Variants in ACAD11 observed in about 807,000 individuals in gnomAD.
ACAD11 encodes acyl-Coenzyme A dehydrogenase family, member 11.
In ACAD11, 83 loss-of-function variants were observed where a neutral mutation model predicts 102.2. The observed-to-expected ratio is 0.81, with a 90% CI of 0.68 to 0.97. The LOEUF (loss-of-function observed/expected upper bound fraction) is 0.97. ACAD11 is among the 50% of genes least tolerant of loss of function. The probability of loss-of-function intolerance (pLI) is 0.00; values close to 1 mark genes in which losing one functional copy is unlikely to be tolerated. For missense variants in ACAD11, 901 were observed against 951.7 expected, an observed-to-expected ratio of 0.95 and a Z score of 0.70; for synonymous variants, 324 against 319.8, an observed-to-expected ratio of 1.01 and a Z score of -0.14.
At chr3:132,570,226 C>T (rs566071076) in intron 17 of ACAD11, among the ~76,000 whole-genome samples, 9 of 152,118 alleles carry the variant, frequency 5.9e-5, no homozygotes, top group South Asian at 2.1e-4. Flanking sequence ...GCATACAAAA[C>T]GTGTCCAGCA....
At chr3:132,565,031 ATC>A (rs1937170070) in intron 17 of ACAD11, among the ~76,000 whole-genome samples, 1 of 152,172 alleles carries the variant, frequency 6.6e-6, no homozygotes, top group Admixed American at 6.5e-5. Context: ...CAAAAGTATA[ATC>A]TCTCTAACCA....
At chr3:132,633,260 T>A (rs1440656309) in intron 5 of ACAD11, among the ~76,000 whole-genome samples, 2 of 152,170 alleles carry the variant, frequency 1.3e-5, no homozygotes, top group Non-Finnish European at 2.9e-5. Flanking sequence ...CGATACCTAA[T>A]TTATTGAGAG....
At chr3:132,638,852 C>T (rs1444829638) in intron 5 of ACAD11, among the ~76,000 whole-genome samples, 1 of 152,140 alleles carries the variant, frequency 6.6e-6, no homozygotes, top group Admixed American at 6.5e-5. Context: ...AACATCTTAG[C>T]ATTCTAAGAA....
chr3:132,646,780 G>T (rs943597380), intron 1 of ACAD11, among the ~76,000 whole-genome samples: 1 of 152,168 alleles, frequency 6.6e-6, no homozygotes, highest in East Asian at 1.9e-4. Context: ...ATAAAATGCC[G>T]ATCCATGCTA....
intron 13 of ACAD11, among the ~76,000 whole-genome samples, chr3:132,583,387 G>A (rs1440034975): frequency 5.3e-5 from 8 of 152,032 alleles, no homozygotes; most frequent in East Asian, 1.9e-4. Context: ...CTGTGGGATC[G>A]GTGGTGATAT....
At chr3:132,628,632 T>C (rs1300858975) in intron 7 of ACAD11, among the ~76,000 whole-genome samples, 186 bp from the exon 8 acceptor site, 1 of 152,178 alleles carries the variant, frequency 6.6e-6, no homozygotes, top group Non-Finnish European at 1.5e-5. Context: ...CATACTCATA[T>C]CATACAGTTC....
chr3:132,572,371 A>T (rs564156928), intron 17 of ACAD11, among the ~76,000 whole-genome samples: 32 of 152,262 alleles, frequency 2.1e-4, no homozygotes, highest in Non-Finnish European at 4.0e-4. Flanking sequence ...GAACTACAAA[A>T]CAGTGCTCAA....
intron 5 of ACAD11, among the ~76,000 whole-genome samples, chr3:132,635,082 T>A (rs1436602249): frequency 2.0e-5 from 3 of 150,096 alleles, no homozygotes; most frequent in Non-Finnish European, 3.0e-5. Flanking sequence ...AAAATAAAAA[T>A]AATAAAAAAA....
Position 132,642,146 on chromosome 3 carries a change from T to G in ACAD11, c.376-13A>C, listed in dbSNP as rs1332164449. 8 of 1,602,240 alleles carry G rather than the reference T, an allele frequency of 5.0e-6. No individual in the cohort carries two copies. Among genetic ancestry groups the G allele is most frequent in the Non-Finnish European group, 6.8e-6 (8 of 1,172,824 alleles). ...GGAAGATTCGACCCTATGGAAGTGA[T>G]TACAACAGATTATTTAAATGTGTAT... is the stretch of plus-strand genomic sequence containing the variant. On this transcript the variant is annotated splice_polypyrimidine_tract_variant and intron_variant, in intron 3 of 19. Coordinates refer to ENST00000264990, the MANE Select transcript of ACAD11 (RefSeq NM_032169.5).
chr3:132,607,766 T>C (rs1399086180), intron 11 of ACAD11, among the ~76,000 whole-genome samples: 1 of 151,940 alleles, frequency 6.6e-6, no homozygotes, highest in East Asian at 1.9e-4. Flanking sequence ...ATTCAGGAAA[T>C]AAGGAGAACA....
intron 5 of ACAD11, among the ~76,000 whole-genome samples, chr3:132,634,572 G>T (rs71315653): frequency 3.9e-4 from 59 of 151,586 alleles, no homozygotes; most frequent in South Asian, 6.3e-4. Context: ...ACCCAAAGGA[G>T]TATAAATCAT....
At chr3:132,655,232 T>C (rs1257654337) in intron 1 of ACAD11, among the ~76,000 whole-genome samples, 9 of 152,238 alleles carry the variant, frequency 5.9e-5, no homozygotes, top group Admixed American at 5.9e-4. Flanking sequence ...TGGAACACTG[T>C]AATACATTGG....
chr3:132,638,818 T>C (rs1430569500), intron 5 of ACAD11, among the ~76,000 whole-genome samples: 3 of 152,184 alleles, frequency 2.0e-5, no homozygotes, highest in Non-Finnish European at 2.9e-5. Flanking sequence ...AATTCATCAG[T>C]GCCACTAGCT....
intron 1 of ACAD11, chr3:132,649,741 TG>T (rs1940863246): frequency 6.6e-6 from 1 of 152,226 alleles, no homozygotes; most frequent in African/African-American, 2.4e-5. Context: ...CTCAGTCTCT[TG>T]TCCAGACTGA....
At chr3:132,573,639 CTG>C (rs1423960433) in intron 17 of ACAD11, among the ~76,000 whole-genome samples, 1 of 152,120 alleles carries the variant, frequency 6.6e-6, no homozygotes, top group East Asian at 1.9e-4. Context: ...TTTTTGATGG[CTG>C]TAAAACAGGA....
chr3:132,631,466 GCTATAACTCGACACTGTAATTAAAAA>G lies in ACAD11; in HGVS notation c.703-13_715del. On this transcript the variant is annotated splice_acceptor_variant and splice_polypyrimidine_tract_variant and coding_sequence_variant and intron_variant, in exon 6 of 20. Coordinates refer to ENST00000264990, the MANE Select transcript of ACAD11 (RefSeq NM_032169.5). LOFTEE classifies it high-confidence loss of function. ...GGTTGACAGCTCCCAATCCAGCACT[GCTATAACTCGACACTGTAATTAAAAA>G]TAAAGAGGTCTGTAACACATTAAAA... 6.7e-7 allele frequency: 1 copy of G among 1,497,216 alleles called. No homozygotes were observed. The highest frequency in any genetic ancestry group is 2.5e-5 in the East Asian group (1 of 40,432). 92.7% of individuals were successfully genotyped at this position (1,497,216 alleles called of 1,614,324 possible).
chr3:132,573,006 A>G (rs1294724955), intron 17 of ACAD11, among the ~76,000 whole-genome samples: 1 of 152,108 alleles, frequency 6.6e-6, no homozygotes, highest in Non-Finnish European at 1.5e-5. Flanking sequence ...GTGGTTTGCT[A>G]CACTTATCTA....
intron 13 of ACAD11, among the ~76,000 whole-genome samples, chr3:132,602,699 G>C (rs1438938405): frequency 6.6e-6 from 1 of 152,080 alleles, no homozygotes; most frequent in Non-Finnish European, 1.5e-5. Context: ...CATGTTTTCT[G>C]CTCTTAAACA....
chr3:132,609,593 T>C (rs2107834044), intron 11 of ACAD11, among the ~76,000 whole-genome samples: 1 of 152,012 alleles, frequency 6.6e-6, no homozygotes, highest in East Asian at 1.9e-4. Flanking sequence ...AGAAGTCAAA[T>C]CCCTGAATAG....
Sources: gnomAD v4.1 joint callset for allele counts (sites outside exome capture counted in the v4.1 genomes callset) on GRCh38, gnomAD v4.1.1 for gene constraint, MANE v1.5 for transcripts, NCBI Gene and HGNC (gene_info 2026-07-23, HGNC 2026-07-21) for gene names.